The following ACSL1 variants were observed in gnomAD, a reference collection of about 807,000 sequenced individuals.
The protein encoded by ACSL1 is long-chain-fatty-acid--CoA ligase 1.
A neutral mutation model predicts 98.4 loss-of-function variants in ACSL1; 41 were observed. The observed-to-expected ratio is 0.42, with a 90% CI of 0.32 to 0.54. The LOEUF is 0.54. Ranked by LOEUF, ACSL1 falls within the 20% of genes least tolerant of loss-of-function variation. The pLI is 0.13. For synonymous variants in ACSL1, 316 were observed against 322.7 expected, an observed-to-expected ratio of 0.98 and a Z score of 0.22; for missense variants, 734 against 883.1, an observed-to-expected ratio of 0.83 and a Z score of 2.14.
At chr4:184,761,897 C>T (rs1417917900) in intron 17 of ACSL1, among the ~76,000 whole-genome samples, 2 of 152,048 alleles carry the variant, frequency 1.3e-5, no homozygotes, top group African/African-American at 2.4e-5. Context: ...GAGGCTGAGG[C>T]GGGTGGATCA....
rs773423025 is a variant in ACSL1, at chr4:184,760,371, C to A, written c.1768G>T (p.Gly590Ter). Residue 590 changes from glycine to a stop codon, truncating the protein, a stop_gained, in exon 18 of 21, where the codon GGA (glycine) becomes TGA (stop). Transcript: ENST00000281455. LOFTEE classifies it high-confidence loss of function. ...AAAGCACATACCTGCAGGCTTTCTC[C>A]GTGGACAAACACCTGAGCAACAGGC... ...SEPVAQVFVH[G>*]ESLQAFLIAI... 3.7e-6 allele frequency: 6 copies of A among 1,613,978 alleles called. No individual in the cohort carries two copies.
intron 1 of ACSL1, chr4:184,821,074 G>A (rs1438604373): frequency 2.2e-6 from 1 of 456,164 alleles, no homozygotes; most frequent in Non-Finnish European, 4.4e-6. Context: ...ACCTTACAGG[G>A]TTGCTGAAGG....
chr4:184,765,799 A>G, intron 14 of ACSL1, 92 bp downstream of exon 14: 1 of 1,019,462 alleles, frequency 9.8e-7, no homozygotes, highest in Non-Finnish European at 1.4e-6. Context: ...GAAAGAACAC[A>G]CACACACACA....
At chr4:184,758,502 G>A (rs1561168154) in intron 18 of ACSL1, 3 of 152,486 alleles carry the variant, frequency 2.0e-5, no homozygotes, top group Admixed American at 1.3e-4. Context: ...GCTGTAATGA[G>A]CTATGACTGC....
At chr4:184,820,607 CT>C (rs200732577) in intron 1 of ACSL1, among the ~76,000 whole-genome samples, 2 of 151,356 alleles carry the variant, frequency 1.3e-5, no homozygotes, top group African/African-American at 2.4e-5. Context: ...CTGGAACTTT[CT>C]TTTTTTTTCT....
intron 17 of ACSL1, 129 bp from the exon 18 acceptor site, chr4:184,760,629 T>A: frequency 7.7e-7 from 1 of 1,304,406 alleles, no homozygotes; most frequent in Non-Finnish European, 1.1e-6. Flanking sequence ...CCCACAGAGG[T>A]CAGTTATGAT....
chr4:184,808,213 T>C (rs1771671978), intron 1 of ACSL1: 1 of 728,366 alleles, frequency 1.4e-6, no homozygotes, highest in Admixed American at 6.3e-5. Flanking sequence ...AGGACATCAT[T>C]CTCTTGAAGA....
chr4:184,757,355 C>G lies in ACSL1; in HGVS notation c.1957-90G>C. 1 of 1,454,194 alleles carries G rather than the reference C, an allele frequency of 6.9e-7. No homozygotes were observed. Among genetic ancestry groups the G allele is most frequent in the Non-Finnish European group, 9.2e-7 (1 of 1,083,696 alleles). 90.1% of individuals were successfully genotyped at this position (1,454,194 alleles called of 1,614,324 possible). A position where few individuals can be genotyped will look rare whatever the true frequency, so the allele number is the denominator to read the frequency against. On this transcript the variant is annotated intron_variant, in intron 20 of 20. Coordinates refer to ENST00000281455, the MANE Select transcript of ACSL1 (RefSeq NM_001995.5). The surrounding 1 kb of genome is among the most constrained non-coding windows in gnomAD (Gnocchi z 4.5). ...AAGCCTTGGAGGGGATCAACACTCT[C>G]CAGCCATCCAATCCATCCTCTCATT...
In ACSL1 at chr4:184,803,611, A is replaced by C; in HGVS notation, c.-32-65T>G. The C allele has an allele frequency of 8.6e-7, 1 of 1,163,556 alleles. No individual in the cohort carries two copies. Among genetic ancestry groups the C allele is most frequent in the Non-Finnish European group, 1.1e-6 (1 of 892,130 alleles). 72.1% of individuals were successfully genotyped at this position (1,163,556 alleles called of 1,614,324 possible). On this transcript the variant is annotated intron_variant, in intron 1 of 20. Transcript: ENST00000281455. This position sits in a 1 kb window ranked among gnomAD's most constrained non-coding sequence, Gnocchi z 4.8. ...CAGGACCCCTCTCCAGAACTCCAAAATTCCACCGGCCAGCCATCTAATTGG... is the reference window on the plus strand; with the variant it reads ...CAGGACCCCTCTCCAGAACTCCAAACTTCCACCGGCCAGCCATCTAATTGG...
Position 184,776,634 on chromosome 4 carries a change from C to A in ACSL1, c.606G>T (p.Lys202Asn). ...KAELSLVFVD[K>N]PEKAKLLLEG... Reference sequence around the variant, plus strand: ...CTAATAAGAGTTTGGCCTTCTCTGGCTTGTCAACAAAAACCAGAGAGAGTT... The same window carrying A: ...CTAATAAGAGTTTGGCCTTCTCTGGATTGTCAACAAAAACCAGAGAGAGTT... Residue 202 changes from lysine (K) to asparagine (N), a missense_variant, in exon 7 of 21, where the codon AAG becomes AAT. By Grantham distance (94) the Lys-to-Asn change is moderately conservative. Transcript: ENST00000281455. The A allele has an allele frequency of 6.2e-7, 1 of 1,612,306 alleles. No individual in the cohort carries two copies. The highest frequency in any genetic ancestry group is 8.5e-7 in the Non-Finnish European group (1 of 1,179,822).
intron 1 of ACSL1, among the ~76,000 whole-genome samples, chr4:184,811,170 G>A (rs1469295357): frequency 1.3e-5 from 2 of 151,672 alleles, no homozygotes; most frequent in African/African-American, 2.4e-5. Flanking sequence ...GTGCAGTGGT[G>A]TGATCTCGGC....
intron 10 of ACSL1, among the ~76,000 whole-genome samples, chr4:184,771,907 C>A (rs1038631902): frequency 2.0e-5 from 3 of 152,206 alleles, no homozygotes; most frequent in African/African-American, 7.2e-5. Flanking sequence ...GTCTGACAGG[C>A]ATCCCAAGTA....
chr4:184,785,665 T>G, intron 3 of ACSL1, among the ~76,000 whole-genome samples: 2 of 124,414 alleles, frequency 1.6e-5, no homozygotes, highest in African/African-American at 2.9e-5. Context: ...CTTCAATGAG[T>G]ACAGATCAAG....
intron 11 of ACSL1, among the ~76,000 whole-genome samples, chr4:184,769,070 A>AATATAAAT (rs940584068): frequency 8.8e-5 from 13 of 147,654 alleles, no homozygotes; most frequent in African/African-American, 3.0e-4. Flanking sequence ...CTCTGTCTCA[A>AATATAAAT]ATATATATAT....
intron 12 of ACSL1, among the ~76,000 whole-genome samples, chr4:184,767,653 G>T (rs552362321): frequency 6.6e-6 from 1 of 152,316 alleles, no homozygotes; most frequent in Non-Finnish European, 1.5e-5. Flanking sequence ...AGTATTATAT[G>T]TTGATAAAGT....
chr4:184,784,073 A>G, intron 3 of ACSL1, 82 bp from the exon 4 acceptor site: 1 of 1,098,070 alleles, frequency 9.1e-7, no homozygotes, highest in South Asian at 1.3e-5. Context: ...ACCGCACTCT[A>G]ATACTAAACA....
At chr4:184,783,860 G>T in intron 4 of ACSL1, 67 bp downstream of exon 4, 1 of 1,436,822 alleles carries the variant, frequency 7.0e-7, no homozygotes, top group Non-Finnish European at 9.8e-7. Flanking sequence ...CCGGCTCCAA[G>T]AATGCACATA....
At chr4:184,817,032 A>C (rs1461380324) in intron 1 of ACSL1, among the ~76,000 whole-genome samples, 1 of 152,168 alleles carries the variant, frequency 6.6e-6, no homozygotes, top group African/African-American at 2.4e-5. Context: ...CAAAAGAGAA[A>C]AAAATAAAAC....
At chr4:184,798,689 C>G (rs1769893155) in intron 2 of ACSL1, 1 of 152,516 alleles carries the variant, frequency 6.6e-6, no homozygotes. Context: ...GCAAGCAGCC[C>G]TTGAGGATGC....
Sources: allele counts gnomAD v4.1 joint callset (sites outside exome capture counted in the v4.1 genomes callset), GRCh38; gene constraint gnomAD v4.1.1; non-coding constraint Gnocchi (gnomAD v3.1); transcripts MANE v1.5; gene names NCBI Gene and HGNC (gene_info 2026-07-23, HGNC 2026-07-21).